Variants in CTNNA3 observed in about 807,000 individuals in gnomAD.
CTNNA3 encodes the protein catenin alpha 3, also known as catenin alpha-3.
In CTNNA3, 76 loss-of-function variants were observed where a neutral mutation model predicts 95.7. The ratio of observed to expected loss-of-function variants is 0.79; its 90% CI spans 0.66 to 0.96. The LOEUF is 0.96. Ranked by LOEUF, CTNNA3 falls within the 40% of genes least tolerant of loss-of-function variation. The pLI, the probability that CTNNA3 is intolerant of heterozygous loss-of-function variation, is 0.00. For missense variants in CTNNA3, 1,191 were observed against 1,089.8 expected (o/e 1.09, Z -1.31); for synonymous variants, 431 against 374.4 (o/e 1.15, Z -1.74).
chr10:67,223,783 TG>T (rs1297791372), intron 5 of CTNNA3, among the ~76,000 whole-genome samples: 1 of 152,192 alleles, frequency 6.6e-6, no homozygotes, highest in Non-Finnish European at 1.5e-5. Flanking sequence ...ATCAAGGCAG[TG>T]TGCTAAATGT....
chr10:66,178,440 T>TATATATATATATATATATATAC (rs1231414006), intron 13 of CTNNA3, among the ~76,000 whole-genome samples: 1 of 105,766 alleles, frequency 9.5e-6, no homozygotes, highest in Non-Finnish European at 1.9e-5. Flanking sequence ...TATATATATA[T>TATATATATATATATATATATAC]ATACACACAC....
chr10:66,053,183 C>A (rs1297659864), intron 15 of CTNNA3, among the ~76,000 whole-genome samples: 4 of 151,422 alleles, frequency 2.6e-5, no homozygotes, highest in Non-Finnish European at 4.4e-5. Context: ...TCAGAGATCA[C>A]CTTTTTCTAT....
rs571748220 is a variant in CTNNA3, at chr10:67,122,259, A to T, written c.1047+58058T>A. Reference sequence around the variant, plus strand: ...GAAAATGTACATTATTCATTTTTTTAAAAAAAGGTCTTTTTAATTATTTTA... The same window carrying T: ...GAAAATGTACATTATTCATTTTTTTTAAAAAAGGTCTTTTTAATTATTTTA... On this transcript the variant is annotated intron_variant, in intron 7 of 17. Coordinates refer to ENST00000433211, the MANE Select transcript of CTNNA3 (RefSeq NM_013266.4). Among the ~76,000 whole-genome samples, 160 of 152,086 alleles carry T rather than the reference A, an allele frequency of 1.1e-3. 1 individual carries two copies. The highest frequency in any genetic ancestry group is 3.7e-3 in the African/African-American group (153 of 41,498).
At chr10:66,374,606 C>CTTTTTTTT (rs58880058) in intron 12 of CTNNA3, among the ~76,000 whole-genome samples, 2 of 88,134 alleles carry the variant, frequency 2.3e-5, no homozygotes, top group African/African-American at 5.6e-5. Context: ...AAAGAAAAGC[C>CTTTTTTTT]TTTTTTTTTT....
intron 7 of CTNNA3, among the ~76,000 whole-genome samples, chr10:67,037,716 A>C (rs1429939939): frequency 6.6e-6 from 1 of 152,194 alleles, no homozygotes; most frequent in African/African-American, 2.4e-5. Context: ...TTATGACTAA[A>C]TAGGTGTAGG....
At chr10:66,594,834 G>A (rs1051880728) in intron 10 of CTNNA3, among the ~76,000 whole-genome samples, 1 of 152,016 alleles carries the variant, frequency 6.6e-6, no homozygotes, top group African/African-American at 2.4e-5. Flanking sequence ...CAAGTTACAA[G>A]AATCTTTTGT....
At chr10:66,463,386 C>T (rs2131853504) in intron 11 of CTNNA3, among the ~76,000 whole-genome samples, 1 of 152,290 alleles carries the variant, frequency 6.6e-6, no homozygotes, top group South Asian at 2.1e-4. Flanking sequence ...GCCTGAGGCC[C>T]TCACCAAATG....
At chr10:67,654,883 C>A (rs1213478963) in intron 1 of CTNNA3, among the ~76,000 whole-genome samples, 1 of 152,004 alleles carries the variant, frequency 6.6e-6, no homozygotes, top group African/African-American at 2.4e-5. Context: ...ATTTCTCTAC[C>A]TCTTTTATTA....
At chr10:67,427,911 A>G (rs1030309125) in intron 5 of CTNNA3, among the ~76,000 whole-genome samples, 1 of 152,038 alleles carries the variant, frequency 6.6e-6, no homozygotes, top group African/African-American at 2.4e-5. Flanking sequence ...TGTTAGTTCA[A>G]TAGAGGGAGA....
At chr10:67,616,153 G>A (rs935921015) in intron 2 of CTNNA3, among the ~76,000 whole-genome samples, 9 of 152,102 alleles carry the variant, frequency 5.9e-5, no homozygotes, top group African/African-American at 1.4e-4. Context: ...AGAAACAGGC[G>A]CAAAGGTTCC....
intron 5 of CTNNA3, among the ~76,000 whole-genome samples, chr10:67,379,977 C>T (rs556811582): frequency 3.4e-5 from 5 of 148,076 alleles, no homozygotes; most frequent in African/African-American, 1.3e-4. Context: ...GCCGAGATCC[C>T]GCCACTGCAC....
intron 16 of CTNNA3, among the ~76,000 whole-genome samples, chr10:65,980,341 C>CCAA (rs758640837): frequency 4.0e-5 from 6 of 151,416 alleles, no homozygotes; most frequent in African/African-American, 1.4e-4. Context: ...TTAAAAATTG[C>CCAA]CAACAACAAC....
chr10:67,046,164 C>T (rs1854731165), intron 7 of CTNNA3, among the ~76,000 whole-genome samples: 1 of 152,308 alleles, frequency 6.6e-6, no homozygotes, highest in Non-Finnish European at 1.5e-5. Flanking sequence ...TTATCCATTT[C>T]ATATTAGAAT....
At chr10:66,932,144 A>G (rs1429492740) in intron 7 of CTNNA3, among the ~76,000 whole-genome samples, 2 of 152,042 alleles carry the variant, frequency 1.3e-5, no homozygotes, top group Non-Finnish European at 2.9e-5. Flanking sequence ...CACTGGTTCT[A>G]TTAGGCTCTC....
At chr10:67,672,242 G>A (rs942754554) in intron 1 of CTNNA3, among the ~76,000 whole-genome samples, 18 of 152,256 alleles carry the variant, frequency 1.2e-4, no homozygotes, top group African/African-American at 4.3e-4. Flanking sequence ...TGAGTTCATT[G>A]TAGATTCTGG....
At chr10:66,407,296 C>A (rs1420603272) in intron 11 of CTNNA3, among the ~76,000 whole-genome samples, 1 of 151,664 alleles carries the variant, frequency 6.6e-6, no homozygotes. Flanking sequence ...TCTAAAAAAA[C>A]CTATATTTTA....
chr10:66,567,486 G>T (rs1842748298), intron 10 of CTNNA3, among the ~76,000 whole-genome samples: 1 of 152,032 alleles, frequency 6.6e-6, no homozygotes, highest in African/African-American at 2.4e-5. Flanking sequence ...GGGCATGGTG[G>T]TACATGCCTG....
chr10:67,457,697 G>T (rs1847224071), intron 5 of CTNNA3, among the ~76,000 whole-genome samples: 1 of 152,156 alleles, frequency 6.6e-6, no homozygotes, highest in Non-Finnish European at 1.5e-5. Context: ...AGGCTTTAGG[G>T]AAGAATCTAT....
At chr10:67,056,069 G>A (rs1313796877) in intron 7 of CTNNA3, among the ~76,000 whole-genome samples, 6 of 152,036 alleles carry the variant, frequency 3.9e-5, no homozygotes, top group Non-Finnish European at 4.4e-5. Context: ...TGCTTGTAAA[G>A]TATTGGAAAG....
Sources: gnomAD v4.1 joint callset for allele counts (sites outside exome capture counted in the v4.1 genomes callset) on GRCh38, gnomAD v4.1.1 for gene constraint, MANE v1.5 for transcripts, NCBI Gene and HGNC (gene_info 2026-07-23, HGNC 2026-07-21) for gene names.